The following AUTS2 variants were observed in gnomAD, a reference collection of about 807,000 sequenced individuals.
AUTS2 encodes activator of transcription and developmental regulator AUTS2, also known as autism susceptibility gene 2 protein.
A neutral mutation model predicts 112.4 loss-of-function variants in AUTS2; 17 were observed. That is an observed-to-expected ratio of 0.15 (90% confidence interval 0.10 to 0.23). The LOEUF (loss-of-function observed/expected upper bound fraction) is 0.23, where lower values mean the gene tolerates loss of function less well. Ranked by LOEUF, AUTS2 falls within the 10% of genes least tolerant of loss-of-function variation. The pLI is 1.00. For synonymous variants in AUTS2, 751 were observed against 702.7 expected (o/e 1.07, Z -1.09); for missense variants, 1,510 against 1,701.6 (o/e 0.89, Z 1.98).
At chr7:70,123,777 T>A (rs748898564) in intron 3 of AUTS2, among the ~76,000 whole-genome samples, 12 of 152,228 alleles carry the variant, frequency 7.9e-5, no homozygotes, top group Non-Finnish European at 1.6e-4. Context: ...GTAGCCCGTG[T>A]ATTTGCTATT....
intron 4 of AUTS2, among the ~76,000 whole-genome samples, chr7:70,324,394 G>A (rs1790392279): frequency 6.6e-6 from 1 of 152,190 alleles, no homozygotes; most frequent in Non-Finnish European, 1.5e-5. Context: ...TGCCAAGGCA[G>A]AAGGATTGCT....
chr7:69,855,800 A>T (rs1013620770), intron 1 of AUTS2, among the ~76,000 whole-genome samples: 2 of 152,174 alleles, frequency 1.3e-5, no homozygotes, highest in African/African-American at 2.4e-5. Flanking sequence ...GCTAAGAATT[A>T]TCAACTCTTG....
In AUTS2 at chr7:70,764,995, C is replaced by T; in HGVS notation, c.1458C>T (p.Ser486=). Residue 486 remains serine (S), a synonymous_variant, in exon 8 of 19, where the codon AGC becomes AGT. Transcript: ENST00000342771. ...SLQVAGHPAG[S]TYSEQDILRQ... ...AGGTGGCCGGACACCCGGCCGGGAG[C>T]ACTTACTCAGGTAGGACGGAGGGGC... 1 of 1,613,898 alleles carries T rather than the reference C, an allele frequency of 6.2e-7. No individual in the cohort carries two copies. The highest frequency in any genetic ancestry group is 1.1e-5 in the South Asian group (1 of 91,060).
chr7:70,591,704 CTCT>C (rs1199055279), intron 5 of AUTS2, among the ~76,000 whole-genome samples: 10 of 152,210 alleles, frequency 6.6e-5, no homozygotes, highest in Non-Finnish European at 1.5e-4. Context: ...TGCCCCGACT[CTCT>C]TCTTAATATG....
At chr7:69,682,197 GA>G (rs1796827642) in intron 1 of AUTS2, among the ~76,000 whole-genome samples, 1 of 152,192 alleles carries the variant, frequency 6.6e-6, no homozygotes, top group Admixed American at 6.5e-5. Context: ...TAGACTTTCT[GA>G]AGATACTATT....
intron 1 of AUTS2, among the ~76,000 whole-genome samples, chr7:69,772,081 G>A (rs1450973395): frequency 6.6e-6 from 1 of 151,420 alleles, no homozygotes; most frequent in South Asian, 2.1e-4. Flanking sequence ...CACCCCACCC[G>A]GCCCGTGACC....
intron 4 of AUTS2, among the ~76,000 whole-genome samples, chr7:70,161,802 A>T (rs1808089031): frequency 6.6e-6 from 1 of 152,054 alleles, no homozygotes; most frequent in Non-Finnish European, 1.5e-5. Context: ...AACACTCCAT[A>T]AACCTGCAGT....
intron 1 of AUTS2, among the ~76,000 whole-genome samples, chr7:69,641,677 G>A (rs934855145): frequency 6.6e-6 from 1 of 152,178 alleles, no homozygotes; most frequent in Non-Finnish European, 1.5e-5. Flanking sequence ...GCTTAAATAT[G>A]ATTTACATTT....
At chr7:70,277,238 T>G (rs1787972365) in intron 4 of AUTS2, among the ~76,000 whole-genome samples, 1 of 152,100 alleles carries the variant, frequency 6.6e-6, no homozygotes, top group Non-Finnish European at 1.5e-5. Flanking sequence ...ATCGAGATTG[T>G]GAAGATAGAA....
At chr7:70,684,858 A>C (rs535165239) in intron 5 of AUTS2, among the ~76,000 whole-genome samples, 7 of 152,248 alleles carry the variant, frequency 4.6e-5, no homozygotes, top group Non-Finnish European at 1.0e-4. Flanking sequence ...GCCTCACAAG[A>C]TTGATGTAAG....
rs905457062 is a variant in AUTS2, at chr7:70,734,221, C to T, written c.743-28649C>T. ...TTGGGAGGCCGAGGCGGGCGGATCA[C>T]GAGGTCAGGAGATCAAGACCATCCT... On this transcript the variant is annotated intron_variant, in intron 6 of 18. Transcript: ENST00000342771. Among the ~76,000 whole-genome samples, 13 of 151,982 alleles carry T rather than the reference C, an allele frequency of 8.6e-5. No homozygotes were observed. In the East Asian group the frequency reaches 2.0e-3, roughly 23 times the overall value.
chr7:70,638,249 C>T (rs1367140071), intron 5 of AUTS2, among the ~76,000 whole-genome samples: 1 of 152,106 alleles, frequency 6.6e-6, no homozygotes, highest in Non-Finnish European at 1.5e-5. Flanking sequence ...ACCACAGAAC[C>T]CTGCAGGTTT....
At chr7:70,265,165 A>C (rs553861939) in intron 4 of AUTS2, among the ~76,000 whole-genome samples, 14 of 152,228 alleles carry the variant, frequency 9.2e-5, no homozygotes, top group Non-Finnish European at 1.9e-4. Context: ...GGATTGAAAA[A>C]AATTTTATAA....
Position 70,253,189 on chromosome 7 carries a change from C to T in AUTS2, c.660+118618C>T, listed in dbSNP as rs181854543. ...GATGTGCTCATGTCATTGATTTGAGCAGTTGTTTATGTTATGGCATAACAA... is the reference window on the plus strand; with the variant it reads ...GATGTGCTCATGTCATTGATTTGAGTAGTTGTTTATGTTATGGCATAACAA... On this transcript the variant is annotated intron_variant, in intron 4 of 18. Transcript: ENST00000342771. Among the ~76,000 whole-genome samples, 113 of 152,228 alleles carry T rather than the reference C, an allele frequency of 7.4e-4. 2 individuals are homozygous for T. The highest frequency in any genetic ancestry group is 3.4e-3 in the Middle Eastern group (1 of 294).
intron 1 of AUTS2, among the ~76,000 whole-genome samples, chr7:69,683,401 G>A (rs1796901805): frequency 1.3e-5 from 2 of 152,124 alleles, no homozygotes; most frequent in Admixed American, 1.3e-4. Flanking sequence ...TTTTCAGTCT[G>A]CTTTCTGTTA....
chr7:70,135,901 G>A (rs965094859), intron 4 of AUTS2, among the ~76,000 whole-genome samples: 5 of 152,114 alleles, frequency 3.3e-5, no homozygotes, highest in South Asian at 2.1e-4. Flanking sequence ...TGGAGACTGC[G>A]ATATCTATTC....
At chr7:70,188,323 G>C (rs558810038) in intron 4 of AUTS2, among the ~76,000 whole-genome samples, 7 of 152,280 alleles carry the variant, frequency 4.6e-5, no homozygotes, top group African/African-American at 1.7e-4. Context: ...GCGGATCTTT[G>C]AGGAGGAAGA....
intron 2 of AUTS2, among the ~76,000 whole-genome samples, chr7:70,040,179 A>G (rs1801184792): frequency 6.6e-6 from 1 of 152,192 alleles, no homozygotes; most frequent in African/African-American, 2.4e-5. Flanking sequence ...GTACAGCACC[A>G]AGAGTAAACC....
chr7:70,317,410 G>T (rs1790047243), intron 4 of AUTS2, among the ~76,000 whole-genome samples: 1 of 152,124 alleles, frequency 6.6e-6, no homozygotes, highest in Non-Finnish European at 1.5e-5. Flanking sequence ...AGAAAATAAT[G>T]ACTAATACTT....
Sources: allele counts gnomAD v4.1 joint callset (sites outside exome capture counted in the v4.1 genomes callset), GRCh38; gene constraint gnomAD v4.1.1; transcripts MANE v1.5; gene names NCBI Gene and HGNC (gene_info 2026-07-23, HGNC 2026-07-21).